The following PPP2R2C variants were observed in gnomAD, a reference collection of about 807,000 sequenced individuals.
PPP2R2C encodes the protein protein phosphatase 2, regulatory subunit B, gamma.
In PPP2R2C, 10 loss-of-function variants were observed where a neutral mutation model predicts 45.3. The ratio of observed to expected loss-of-function variants is 0.22; its 90% confidence interval spans 0.14 to 0.37. PPP2R2C has a LOEUF of 0.37. Ranked by LOEUF, PPP2R2C falls within the 10% of genes least tolerant of loss-of-function variation. The pLI is 1.00. For synonymous variants in PPP2R2C, 257 were observed against 245.4 expected, an observed-to-expected ratio of 1.05 and a Z score of -0.44; for missense variants, 308 against 619.7, an observed-to-expected ratio of 0.50 and a Z score of 5.34.
At chr4:6,389,762 T>C (rs551808909) in intron 1 of PPP2R2C, among the ~76,000 whole-genome samples, 1 of 152,266 alleles carries the variant, frequency 6.6e-6, no homozygotes, top group East Asian at 1.9e-4. Context: ...TCCAAGATGT[T>C]CTTGTGTGCT....
chr4:6,367,884 T>C (rs1032490847), intron 5 of PPP2R2C, among the ~76,000 whole-genome samples: 7 of 152,126 alleles, frequency 4.6e-5, no homozygotes, highest in African/African-American at 1.7e-4. Flanking sequence ...TCCACTCAAC[T>C]CCTGCCAAAT....
chr4:6,506,299 G>GT (rs1723233719), intron 2 of PPP2R2C, among the ~76,000 whole-genome samples: 1 of 152,190 alleles, frequency 6.6e-6, no homozygotes, highest in Non-Finnish European at 1.5e-5. Flanking sequence ...AATTGAACAC[G>GT]TAAGATCTGT....
At chr4:6,512,578 ATGGTGGTGATGGTGATGG>A (rs1723688537) in intron 2 of PPP2R2C, among the ~76,000 whole-genome samples, 1 of 44,612 alleles carries the variant, frequency 2.2e-5, no homozygotes, top group African/African-American at 7.3e-5. Context: ...GGTGATGGTG[ATGGTGGTGATGGTGATGG>A]TGGTGGTGGT....
chr4:6,476,159 C>T (rs912141517), upstream of PPP2R2C, among the ~76,000 whole-genome samples: 1 of 152,148 alleles, frequency 6.6e-6, no homozygotes, highest in Admixed American at 6.5e-5. Context: ...GCAGCCCAAG[C>T]CGACTGCACA....
intron 1 of PPP2R2C, among the ~76,000 whole-genome samples, chr4:6,561,783 A>G (rs544981358): frequency 6.6e-6 from 1 of 152,296 alleles, no homozygotes; most frequent in African/African-American, 2.4e-5. Context: ...ATCTTCCGTG[A>G]CCCATTGCCA....
chr4:6,327,217 C>T (rs1022426283), intron 8 of PPP2R2C, among the ~76,000 whole-genome samples: 3 of 152,192 alleles, frequency 2.0e-5, no homozygotes, highest in Non-Finnish European at 2.9e-5. Flanking sequence ...CCACCCATTG[C>T]GGGAGGCAAA....
At chr4:6,422,766 T>C (rs1252804554) in intron 1 of PPP2R2C, among the ~76,000 whole-genome samples, 1 of 152,222 alleles carries the variant, frequency 6.6e-6, no homozygotes, top group East Asian at 1.9e-4. Context: ...GTGAAAACCC[T>C]GTCTCAAAAC....
rs973493518 is a variant in PPP2R2C, at chr4:6,328,692, C to A, written c.1052+570G>T. Among the ~76,000 whole-genome samples, 1 of 152,204 alleles carries A rather than the reference C, an allele frequency of 6.6e-6. No individual in the cohort carries two copies. The highest frequency in any genetic ancestry group is 1.5e-5 in the Non-Finnish European group (1 of 68,046). ...ACTTCTGGCACTGGGGCGCCACTTT[C>A]CAGGCAGGTGGGGTTGAGAGACGGC... is the stretch of plus-strand genomic sequence containing the variant. On this transcript the variant is annotated intron_variant, in intron 8 of 8. Transcript: ENST00000382599. This position sits in a 1 kb window ranked among gnomAD's most constrained non-coding sequence, Gnocchi z 4.4.
At chr4:6,444,019 GGCCCGTGAGTAGCCTCCTGCAGCCCTCT>G (rs1442134807) in intron 1 of PPP2R2C, among the ~76,000 whole-genome samples, 1 of 152,174 alleles carries the variant, frequency 6.6e-6, no homozygotes, top group African/African-American at 2.4e-5. Flanking sequence ...AAACAACCCT[GGCCCGTGAGTAGCCTCCTGCAGCCCTCT>G]GCCCGTGACA....
chr4:6,446,358 C>A (rs1313451676), intron 1 of PPP2R2C, among the ~76,000 whole-genome samples: 1 of 152,146 alleles, frequency 6.6e-6, no homozygotes, highest in Non-Finnish European at 1.5e-5. Flanking sequence ...CTTCCCACCC[C>A]CATCGAGGCT....
chr4:6,402,639 G>A (rs1402898069), intron 1 of PPP2R2C, among the ~76,000 whole-genome samples: 2 of 152,212 alleles, frequency 1.3e-5, no homozygotes, highest in African/African-American at 2.4e-5. Context: ...AGTCTCATGG[G>A]GCAGTCATGG....
intron 3 of PPP2R2C, among the ~76,000 whole-genome samples, chr4:6,376,301 G>A (rs745529130): frequency 6.6e-6 from 1 of 152,214 alleles, no homozygotes; most frequent in Non-Finnish European, 1.5e-5. Flanking sequence ...ACTGGGGTCA[G>A]TGGAGCATCT....
chr4:6,549,593 GC>G (rs568566216), intron 1 of PPP2R2C, among the ~76,000 whole-genome samples: 23 of 152,192 alleles, frequency 1.5e-4, no homozygotes, highest in Non-Finnish European at 2.8e-4. Context: ...GCTCCTTCCT[GC>G]TCCTGTAGAG....
At chr4:6,511,101 T>C (rs1723434068) in intron 2 of PPP2R2C, among the ~76,000 whole-genome samples, 1 of 152,248 alleles carries the variant, frequency 6.6e-6, no homozygotes, top group South Asian at 2.1e-4. Context: ...TGTCCTTCTC[T>C]TAATTTCTTC....
At chr4:6,397,667 C>A (rs998942666) in intron 1 of PPP2R2C, among the ~76,000 whole-genome samples, 3 of 150,932 alleles carry the variant, frequency 2.0e-5, no homozygotes, top group Non-Finnish European at 4.4e-5. Flanking sequence ...GCCAGACCTA[C>A]CAGGGGCAAG....
intron 1 of PPP2R2C, among the ~76,000 whole-genome samples, chr4:6,389,000 T>TG (rs2109328597): frequency 6.6e-6 from 1 of 151,614 alleles, no homozygotes; most frequent in South Asian, 2.1e-4. Flanking sequence ...ACGTGCCACC[T>TG]GGGGGAGACA....
intron 2 of PPP2R2C, among the ~76,000 whole-genome samples, chr4:6,527,520 T>TACCATGAGAACACAGCCCCCCTCCTCAAC (rs1724253354): frequency 6.7e-6 from 1 of 148,776 alleles, no homozygotes. Context: ...GCCATGAGAA[T>TACCATGAGAACACAGCCCCCCTCCTCAAC]ACCATGAGAA....
chr4:6,469,077 CAAAAAAAAAAAAAAAAAAA>C (rs142008829), intron 1 of PPP2R2C, among the ~76,000 whole-genome samples: 22 of 56,156 alleles, frequency 3.9e-4, no homozygotes, highest in African/African-American at 1.5e-3. Flanking sequence ...GCCCTGCCAC[CAAAAAAAAAAAAAAAAAAA>C]AAAAAAAAAA....
At chr4:6,388,903 C>T (rs1158724428) in intron 1 of PPP2R2C, among the ~76,000 whole-genome samples, 5 of 152,182 alleles carry the variant, frequency 3.3e-5, no homozygotes, top group African/African-American at 1.2e-4. Flanking sequence ...AGGAAACTGA[C>T]ACAGAGCTGA....
Sources: gnomAD v4.1 joint callset for allele counts (sites outside exome capture counted in the v4.1 genomes callset) on GRCh38, gnomAD v4.1.1 for gene constraint, Gnocchi (gnomAD v3.1) non-coding constraint, MANE v1.5 for transcripts, NCBI Gene and HGNC (gene_info 2026-07-23, HGNC 2026-07-21) for gene names.